Variants in TBC1D8 observed in about 807,000 individuals in gnomAD.
TBC1D8 encodes the protein TBC1 domain family member 8.
Under a neutral mutation model 118.8 loss-of-function variants are expected in TBC1D8, and 65 were observed. The observed-to-expected ratio is 0.55, with a 90% CI of 0.45 to 0.67. The LOEUF is 0.67. Among genes scored for constraint, TBC1D8 ranks in the 30% least tolerant of loss-of-function variants. The pLI is 0.00. For synonymous variants in TBC1D8, 566 were observed against 595.8 expected, an observed-to-expected ratio of 0.95 and a Z score of 0.73; for missense variants, 1,376 against 1,471.2, an observed-to-expected ratio of 0.94 and a Z score of 1.06.
chr2:101,040,208 G>T lies in TBC1D8; in HGVS notation c.1050C>A (p.Gly350=). 15 of 1,614,012 alleles carry T rather than the reference G, an allele frequency of 9.3e-6. No individual in the cohort carries two copies. The highest frequency in any genetic ancestry group is 1.3e-5 in the Non-Finnish European group (15 of 1,179,886). Residue 350 remains glycine (G), a synonymous_variant, in exon 6 of 20, where the codon GGC becomes GGA. Coordinates refer to ENST00000409318, the MANE Select transcript of TBC1D8 (RefSeq NM_001330348.2). ...TGAGTGGCAGGATGATCTTACAGCA[G>T]CCATCTTCTCTGCTGGCAAAGCAGA... ...SYICFASRED[G]CCKIILPLRE... is the part of the protein sequence containing the mutation.
intron 1 of TBC1D8, among the ~76,000 whole-genome samples, chr2:101,150,874 C>T (rs868404815): frequency 6.6e-6 from 1 of 152,138 alleles, no homozygotes; most frequent in African/African-American, 2.4e-5. Context: ...TCCAGCTCAC[C>T]GGGCCAGGCG....
intron 1 of TBC1D8, among the ~76,000 whole-genome samples, chr2:101,114,695 G>C (rs7588389): frequency 0.15 from 23,484 of 152,144 alleles, 1,955 homozygotes; most frequent in Middle Eastern, 0.28. Flanking sequence ...GTTTCTTTTT[G>C]TTTTTACTTT....
At chr2:101,088,892 T>C (rs1675819491) in intron 2 of TBC1D8, among the ~76,000 whole-genome samples, 2 of 152,034 alleles carry the variant, frequency 1.3e-5, no homozygotes, top group East Asian at 1.9e-4. Flanking sequence ...CTACCGAGCA[T>C]GCATCATCTT....
At position 101,008,076 on chromosome 2, in the gene TBC1D8, C is replaced by G; in HGVS notation, c.3213G>C (p.Glu1071Asp). The change falls in exon 20 of 20, where the codon GAG becomes GAC. Residue 1071 changes from glutamate (E) to aspartate (D), a missense_variant. Physicochemically the swap from Glu to Asp is conservative, Grantham distance 45. Coordinates refer to ENST00000409318, the MANE Select transcript of TBC1D8 (RefSeq NM_001330348.2). ...TCCCAGTGTCTGCAAAAACCGAGTC[C>G]TCAGGAGAAGGAGCTGAAGCCCGCA... Reference protein sequence around the residue: ...EELRASAPSPEDSVFADTGKT... With the variant: ...EELRASAPSPDDSVFADTGKT... The G allele has an allele frequency of 6.2e-7, 1 of 1,613,964 alleles. No homozygotes were observed. Among genetic ancestry groups the G allele is most frequent in the Non-Finnish European group, 8.5e-7 (1 of 1,179,880 alleles).
intron 1 of TBC1D8, among the ~76,000 whole-genome samples, chr2:101,128,650 G>A (rs1182505448): frequency 6.6e-6 from 1 of 152,168 alleles, no homozygotes; most frequent in African/African-American, 2.4e-5. Context: ...TGTTTTCACG[G>A]CAGCATTATT....
intron 1 of TBC1D8, among the ~76,000 whole-genome samples, chr2:101,113,410 A>G (rs1677690269): frequency 6.6e-6 from 1 of 152,128 alleles, no homozygotes; most frequent in African/African-American, 2.4e-5. Flanking sequence ...AAATCAACAA[A>G]ACAAAAACAA....
At chr2:101,054,357 T>G in intron 3 of TBC1D8, 21 bp from the exon 4 acceptor site, 1 of 1,551,130 alleles carries the variant, frequency 6.4e-7, no homozygotes. Flanking sequence ...GAGATGACAG[T>G]CCCTGCTCAG....
At chr2:101,059,292 T>C in intron 3 of TBC1D8, 129 bp downstream of exon 3, 2 of 622,758 alleles carry the variant, frequency 3.2e-6, no homozygotes, top group South Asian at 2.1e-5. Context: ...AAATGAAACT[T>C]ATTTGGCATT....
chr2:101,019,503 T>G (rs1156240137), intron 17 of TBC1D8: 1 of 153,132 alleles, frequency 6.5e-6, no homozygotes, highest in Non-Finnish European at 1.5e-5. Flanking sequence ...CTCTAGCTTT[T>G]TTGTCGTTTT....
intron 4 of TBC1D8, 60 bp from the exon 5 acceptor site, chr2:101,050,701 T>C (rs1381736204): frequency 3.8e-6 from 6 of 1,581,156 alleles, no homozygotes; most frequent in Non-Finnish European, 4.3e-6. Flanking sequence ...AACTTGAGTG[T>C]GTCAGCAAGC....
At chr2:101,015,734 A>C (rs1387810860) in intron 17 of TBC1D8, among the ~76,000 whole-genome samples, 2 of 152,244 alleles carry the variant, frequency 1.3e-5, no homozygotes, top group African/African-American at 4.8e-5. Flanking sequence ...GATATAGATC[A>C]ATGGAACAGA....
chr2:101,087,943 C>T (rs1675748867), intron 2 of TBC1D8, among the ~76,000 whole-genome samples: 1 of 152,162 alleles, frequency 6.6e-6, no homozygotes, highest in Non-Finnish European at 1.5e-5. Flanking sequence ...AAATCTCTTC[C>T]CTTAACCTTA....
chr2:101,068,693 TTA>T (rs1573972614), intron 2 of TBC1D8: 3 of 359,372 alleles, frequency 8.3e-6, no homozygotes, highest in Non-Finnish European at 1.0e-5. Context: ...ACAATCTGCC[TTA>T]TCTACTATTT....
intron 2 of TBC1D8, among the ~76,000 whole-genome samples, chr2:101,069,003 G>GAA (rs146651880): frequency 6.4e-5 from 6 of 93,126 alleles, no homozygotes; most frequent in African/African-American, 8.1e-5. Context: ...TCCGTTTCAA[G>GAA]AAAAAAAAAA....
chr2:101,038,652 C>A lies in TBC1D8; in HGVS notation c.1084G>T (p.Val362Leu), dbSNP rs757914658. ...CKIILPLREV[V>L]SIEKMEDTSL... Reference sequence around the variant, plus strand: ...GTGTCCTCCATCTTCTCGATGCTCACCACCTGCGCGAGAGGCAACATGCAG... The same window carrying A: ...GTGTCCTCCATCTTCTCGATGCTCAACACCTGCGCGAGAGGCAACATGCAG... Residue 362 changes from valine to leucine, a missense_variant, in exon 7 of 20, where the codon GTG (valine) becomes TTG (leucine). Coordinates refer to ENST00000409318, the MANE Select transcript of TBC1D8 (RefSeq NM_001330348.2). 1 of 1,613,738 alleles carries A rather than the reference C, an allele frequency of 6.2e-7. No individual in the cohort carries two copies. Among genetic ancestry groups the A allele is most frequent in the Non-Finnish European group, 8.5e-7 (1 of 1,179,964 alleles).
Position 101,118,753 on chromosome 2 carries a change from C to T in TBC1D8, c.128-28389G>A, listed in dbSNP as rs969816646. The stretch of plus-strand genomic sequence containing the variant: ...GGCACAGTGGCTCACGCCTGTAATC[C>T]CAGCACTCTGGGAGGCCAAGGCCAT... On this transcript the variant is annotated intron_variant, in intron 1 of 19. Coordinates refer to ENST00000409318, the MANE Select transcript of TBC1D8 (RefSeq NM_001330348.2). Among the ~76,000 whole-genome samples, 10 of 152,008 alleles carry T rather than the reference C, an allele frequency of 6.6e-5. No individual in the cohort carries two copies. The South Asian group carries it at 2.1e-3, about 32-fold the overall frequency.
At chr2:101,138,109 A>G (rs1486341117) in intron 1 of TBC1D8, among the ~76,000 whole-genome samples, 1 of 152,104 alleles carries the variant, frequency 6.6e-6, no homozygotes, top group Non-Finnish European at 1.5e-5. Context: ...ACACACTTTT[A>G]AAGAACCAGA....
In TBC1D8 at chr2:101,013,305, A is replaced by C. The variant is rs1444142168; in HGVS notation, c.2828-1765T>G. On this transcript the variant is annotated intron_variant, in intron 17 of 19. Transcript: ENST00000409318. ...TGATCAGAAGGATAGGATATTATGC[A>C]TTATGGGAAATAGTAACTACTAAGA... 2.0e-5 allele frequency among the ~76,000 whole-genome samples: 3 copies of C among 152,240 alleles called. No individual in the cohort carries two copies. The East Asian group carries it at 5.8e-4, about 29-fold the overall frequency.
intron 1 of TBC1D8, among the ~76,000 whole-genome samples, chr2:101,145,382 G>GA (rs1679279576): frequency 1.3e-5 from 2 of 152,084 alleles, no homozygotes; most frequent in African/African-American, 4.8e-5. Context: ...ATGCTTTTAA[G>GA]AAAAAATACC....
Sources: allele counts gnomAD v4.1 joint callset (sites outside exome capture counted in the v4.1 genomes callset), GRCh38; gene constraint gnomAD v4.1.1; transcripts MANE v1.5; gene names NCBI Gene and HGNC (gene_info 2026-07-23, HGNC 2026-07-21).